Variants in CTNND2 observed in about 807,000 individuals in gnomAD.
CTNND2 encodes catenin delta-2.
Under a neutral mutation model 144.4 loss-of-function variants are expected in CTNND2, and 22 were observed. That is an observed-to-expected ratio of 0.15 (90% CI 0.11 to 0.22). The LOEUF (loss-of-function observed/expected upper bound fraction) is 0.22, where lower values mean the gene tolerates loss of function less well. Among genes scored for constraint, CTNND2 ranks in the 10% least tolerant of loss-of-function variants. The probability of loss-of-function intolerance (pLI) is 1.00; values close to 1 mark genes in which losing one functional copy is unlikely to be tolerated. For missense variants in CTNND2, 1,353 were observed against 1,618.8 expected (o/e 0.84, Z 2.82); for synonymous variants, 751 against 695.6 (o/e 1.08, Z -1.25).
At chr5:11,226,040 G>C (rs537011999) in intron 10 of CTNND2, among the ~76,000 whole-genome samples, 1 of 152,170 alleles carries the variant, frequency 6.6e-6, no homozygotes, top group African/African-American at 2.4e-5. Context: ...GCCAGGCAGA[G>C]GCAAGGAAGG....
intron 12 of CTNND2, among the ~76,000 whole-genome samples, chr5:11,131,977 G>A (rs2149720159): frequency 6.6e-6 from 1 of 152,194 alleles, no homozygotes. Flanking sequence ...AGTTTTCCTT[G>A]AGGTCTATTT....
intron 2 of CTNND2, among the ~76,000 whole-genome samples, chr5:11,570,007 A>T (rs1399893988): frequency 2.0e-5 from 3 of 152,198 alleles, no homozygotes; most frequent in African/African-American, 7.2e-5. Context: ...ACAGCCTAAG[A>T]CAAGATGCAC....
chr5:11,352,373 G>A (rs1047029358), intron 8 of CTNND2, among the ~76,000 whole-genome samples: 2 of 152,154 alleles, frequency 1.3e-5, no homozygotes, highest in Admixed American at 1.3e-4. Context: ...AGCTCTCATA[G>A]TTTCCTTCTT....
At chr5:11,564,292 C>T (rs1014203380) in intron 3 of CTNND2, among the ~76,000 whole-genome samples, 2 of 152,212 alleles carry the variant, frequency 1.3e-5, no homozygotes, top group African/African-American at 4.8e-5. Context: ...CCTTATGTCT[C>T]TTTCACACAC....
At chr5:11,651,562 T>C (rs967843279) in intron 2 of CTNND2, among the ~76,000 whole-genome samples, 5 of 152,178 alleles carry the variant, frequency 3.3e-5, no homozygotes, top group Admixed American at 3.3e-4. Context: ...CAGCTTGCAC[T>C]GTATGCCTTG....
At chr5:11,608,944 C>T (rs1001013500) in intron 2 of CTNND2, among the ~76,000 whole-genome samples, 4 of 152,300 alleles carry the variant, frequency 2.6e-5, no homozygotes, top group African/African-American at 9.6e-5. Flanking sequence ...ATCCTTCCCA[C>T]TTTTTACTAA....
At chr5:11,007,721 G>T (rs1019865343) in intron 18 of CTNND2, among the ~76,000 whole-genome samples, 12 of 152,232 alleles carry the variant, frequency 7.9e-5, no homozygotes, top group African/African-American at 2.9e-4. Context: ...TATTTCCAAC[G>T]AAATGACAGC....
At chr5:11,360,486 C>T (rs536186562) in intron 8 of CTNND2, among the ~76,000 whole-genome samples, 15 of 152,194 alleles carry the variant, frequency 9.9e-5, no homozygotes, top group Admixed American at 7.2e-4. Context: ...CCACTAGAGC[C>T]AGAGTCATGC....
At position 11,833,926 on chromosome 5, in the gene CTNND2, T is replaced by A. The variant is rs763321791; in HGVS notation, c.37+69891A>T. On this transcript the variant is annotated intron_variant, in intron 1 of 21. Coordinates refer to ENST00000304623, the MANE Select transcript of CTNND2 (RefSeq NM_001332.4). ...CAAAACAATTGAGCCTTATAGTATG[T>A]ATATTATACATCAAATCCTGAATAT... is the stretch of plus-strand genomic sequence containing the variant. Among the ~76,000 whole-genome samples the A allele has an allele frequency of 3.3e-5, 5 of 152,204 alleles. No individual in the cohort carries two copies. The East Asian group carries it at 9.6e-4, about 29-fold the overall frequency.
At chr5:11,692,257 C>T (rs1163475700) in intron 2 of CTNND2, among the ~76,000 whole-genome samples, 2 of 151,980 alleles carry the variant, frequency 1.3e-5, no homozygotes, top group African/African-American at 4.8e-5. Context: ...TTTATCTTAC[C>T]TTCTTTCAGA....
intron 1 of CTNND2, among the ~76,000 whole-genome samples, chr5:11,873,943 G>T (rs780945924): frequency 5.3e-5 from 8 of 152,178 alleles, no homozygotes; most frequent in African/African-American, 1.2e-4. Flanking sequence ...CCTAGAAAAG[G>T]CAATCTAATA....
chr5:11,697,275 C>T (rs994975925), intron 2 of CTNND2, among the ~76,000 whole-genome samples: 1 of 152,128 alleles, frequency 6.6e-6, no homozygotes, highest in African/African-American at 2.4e-5. Flanking sequence ...TCCATTGCCC[C>T]CCAAAAATTT....
At chr5:11,017,552 A>G (rs564657755) in intron 18 of CTNND2, among the ~76,000 whole-genome samples, 106 of 146,178 alleles carry the variant, frequency 7.3e-4, no homozygotes, top group Non-Finnish European at 1.4e-3. Flanking sequence ...CCATATATAA[A>G]GATATATATA....
intron 3 of CTNND2, among the ~76,000 whole-genome samples, chr5:11,514,264 CAT>C (rs771934806): frequency 6.6e-6 from 1 of 151,854 alleles, no homozygotes; most frequent in Non-Finnish European, 1.5e-5. Flanking sequence ...ATATATAAGA[CAT>C]ATATATATGC....
chr5:11,237,134 C>T (rs565717507), intron 9 of CTNND2, among the ~76,000 whole-genome samples: 4 of 152,060 alleles, frequency 2.6e-5, no homozygotes, highest in African/African-American at 9.6e-5. Context: ...ATTCTCCTGC[C>T]ACAGCCTCCC....
At chr5:11,507,204 T>A (rs1581366981) in intron 3 of CTNND2, among the ~76,000 whole-genome samples, 1 of 152,166 alleles carries the variant, frequency 6.6e-6, no homozygotes. Flanking sequence ...CTAAGGATGT[T>A]CCTACATAAT....
At chr5:11,724,054 C>CA (rs34050641) in intron 2 of CTNND2, among the ~76,000 whole-genome samples, 4,703 of 138,556 alleles carry the variant, frequency 0.034, 102 homozygotes, top group African/African-American at 0.065. Context: ...GGCTTCATTT[C>CA]AAAAAAAAAA....
At chr5:11,287,883 G>C (rs142378780) in intron 9 of CTNND2, among the ~76,000 whole-genome samples, 2 of 152,242 alleles carry the variant, frequency 1.3e-5, no homozygotes, top group South Asian at 4.1e-4. Context: ...TAAAAACTCC[G>C]CATCAGTCAG....
chr5:11,623,630 G>C (rs569023509), intron 2 of CTNND2, among the ~76,000 whole-genome samples: 136 of 151,544 alleles, frequency 9.0e-4, no homozygotes, highest in Non-Finnish European at 1.4e-3. Context: ...GTAAAAGGAT[G>C]CAGAAAAATC....
Sources: gnomAD v4.1 joint callset for allele counts (sites outside exome capture counted in the v4.1 genomes callset) on GRCh38, gnomAD v4.1.1 for gene constraint, MANE v1.5 for transcripts, NCBI Gene and HGNC (gene_info 2026-07-23, HGNC 2026-07-21) for gene names.